Variants in TMEM272 observed in about 807,000 individuals in gnomAD.
The protein encoded by TMEM272 is long intergenic non-protein coding RNA 282.
TMEM272 carries 8 observed loss-of-function variants against 3.7 expected under a neutral mutation model. The observed-to-expected ratio is 2.17, with a 90% CI of 1.27 to 3.91. The LOEUF is 3.91. TMEM272 is among the 30% of genes most tolerant of loss of function. TMEM272 has a pLI of 0.00. For synonymous variants in TMEM272, 63 were observed against 39.8 expected, an observed-to-expected ratio of 1.58 and a Z score of -2.20; for missense variants, 166 against 91.5, an observed-to-expected ratio of 1.81 and a Z score of -3.32.
intron 2 of TMEM272, among the ~76,000 whole-genome samples, chr13:51,830,977 T>C (rs191680986): frequency 6.6e-6 from 1 of 151,394 alleles, no homozygotes; most frequent in African/African-American, 2.4e-5. Flanking sequence ...CACTCTTGCT[T>C]AAAGTCTAAT....
At chr13:51,903,595 G>GT in the TMEM272 span, among the ~76,000 whole-genome samples, 1 of 152,188 alleles carries the variant, frequency 6.6e-6, no homozygotes. Context: ...ATCCCTAGGT[G>GT]TAAGTGCAGG....
the TMEM272 span, among the ~76,000 whole-genome samples, chr13:51,896,586 TGA>T: frequency 6.6e-5 from 10 of 152,074 alleles, no homozygotes; most frequent in African/African-American, 2.4e-4. Flanking sequence ...CCGGATGCCC[TGA>T]GAGGGGGATG....
chr13:51,932,440 C>G, the TMEM272 span: 2 of 152,252 alleles, frequency 1.3e-5, no homozygotes, highest in Non-Finnish European at 2.9e-5. Context: ...TGCCTTTCAG[C>G]GTTCTCCCCA....
chr13:51,816,028 C>T lies in TMEM272; in HGVS notation c.*723G>A, dbSNP rs1318572710. The T allele has an allele frequency of 1.3e-5, 2 of 152,378 alleles. No individual in the cohort carries two copies. The highest frequency in any genetic ancestry group is 1.9e-4 in the East Asian group (1 of 5,208). The allele number at this position is 152,378 out of a possible 1,614,324, so 9.4% of individuals were successfully genotyped here. ...GCCAGAGGCAGAGACAGACTCAAGG[C>T]CAAGCAAAGAACCTGCAGCAGCGGC... is the stretch of plus-strand genomic sequence containing the variant. On this transcript the variant is annotated 3_prime_UTR_variant, in exon 5 of 5. Transcript: ENST00000629372.
chr13:51,909,914 C>T, the TMEM272 span: 5 of 1,600,946 alleles, frequency 3.1e-6, no homozygotes, highest in Non-Finnish European at 3.4e-6. Flanking sequence ...TAAGTTCACT[C>T]ACTTGTTCTT....
chr13:51,884,343 G>C, the TMEM272 span, among the ~76,000 whole-genome samples: 762 of 152,344 alleles, frequency 5.0e-3, 8 homozygotes, highest in African/African-American at 0.017. Context: ...ACTTGGGTTT[G>C]AGATTGTTTC....
At chr13:51,886,756 G>A in the TMEM272 span, among the ~76,000 whole-genome samples, 1,023 of 152,192 alleles carry the variant, frequency 6.7e-3, 12 homozygotes, top group African/African-American at 0.023. Flanking sequence ...GGAAATTTCC[G>A]GCTGGTAAAT....
At chr13:51,853,633 T>C in the TMEM272 span, among the ~76,000 whole-genome samples, 3 of 152,174 alleles carry the variant, frequency 2.0e-5, no homozygotes, top group Non-Finnish European at 4.4e-5. Flanking sequence ...GGGCCAACCA[T>C]AATATATCCC....
intron 2 of TMEM272, 60 bp downstream of exon 2, chr13:51,838,413 G>A (rs140443458): frequency 1.9e-4 from 134 of 702,940 alleles, no homozygotes; most frequent in East Asian, 5.9e-4. Context: ...TTAGCTCATC[G>A]GGTGATCCCA....
chr13:51,883,566 C>A, the TMEM272 span, among the ~76,000 whole-genome samples: 1 of 152,104 alleles, frequency 6.6e-6, no homozygotes, highest in Non-Finnish European at 1.5e-5. Flanking sequence ...CATGGGTGAG[C>A]TTTGGAAAAA....
the TMEM272 span, among the ~76,000 whole-genome samples, chr13:51,907,639 C>T: frequency 6.6e-6 from 1 of 152,190 alleles, no homozygotes; most frequent in African/African-American, 2.4e-5. Flanking sequence ...GGCTCTTGCC[C>T]ATGTTTTTCC....
At chr13:51,908,396 A>T in the TMEM272 span, 3 of 1,487,232 alleles carry the variant, frequency 2.0e-6, no homozygotes, top group Non-Finnish European at 2.8e-6. Context: ...CAAATGGAGC[A>T]CGTGGTGGAC....
At chr13:51,917,541 T>C in the TMEM272 span, among the ~76,000 whole-genome samples, 4 of 152,152 alleles carry the variant, frequency 2.6e-5, no homozygotes, top group African/African-American at 4.8e-5. Context: ...TGAGCTGTTT[T>C]CTGGGAGATG....
intron 1 of TMEM272, among the ~76,000 whole-genome samples, chr13:51,842,621 AT>A (rs76744773): frequency 0.016 from 2,512 of 152,316 alleles, 83 homozygotes; most frequent in East Asian, 0.12. Context: ...AACTGTTAGT[AT>A]TTTGGAGCTT....
At chr13:51,918,803 CTTTTTTTTTTTT>C in the TMEM272 span, among the ~76,000 whole-genome samples, 30 of 81,042 alleles carry the variant, frequency 3.7e-4, no homozygotes, top group Middle Eastern at 0.011. Flanking sequence ...TTTTGAAATT[CTTTTTTTTTTTT>C]TTTTTTTTTT....
the TMEM272 span, among the ~76,000 whole-genome samples, chr13:51,901,254 A>C: frequency 6.6e-6 from 1 of 152,192 alleles, no homozygotes; most frequent in Non-Finnish European, 1.5e-5. Flanking sequence ...CACTTTAATG[A>C]AGCACGGTTC....
At chr13:51,885,971 T>C in the TMEM272 span, among the ~76,000 whole-genome samples, 20 of 152,208 alleles carry the variant, frequency 1.3e-4, no homozygotes, top group Non-Finnish European at 2.2e-4. Context: ...AACAAAAACT[T>C]TGAGGTCATG....
the TMEM272 span, among the ~76,000 whole-genome samples, chr13:51,871,970 G>A: frequency 3.9e-5 from 6 of 152,202 alleles, no homozygotes; most frequent in South Asian, 2.1e-4. Flanking sequence ...ACCAGCTCAG[G>A]AGAATAGGCC....
the TMEM272 span, among the ~76,000 whole-genome samples, chr13:51,881,394 A>G: frequency 0.97 from 147,335 of 152,130 alleles, 71,356 homozygotes; most frequent in East Asian, 1. Context: ...AGAAATGAAG[A>G]AAGGACTAGA....
Sources: gnomAD v4.1 joint callset for allele counts (sites outside exome capture counted in the v4.1 genomes callset) on GRCh38, gnomAD v4.1.1 for gene constraint, MANE v1.5 for transcripts, NCBI Gene and HGNC (gene_info 2026-07-23, HGNC 2026-07-21) for gene names.